ABCB5: variants seen among roughly 807,000 people sequenced by gnomAD.
The protein encoded by ABCB5 is ATP binding cassette subfamily B member 5.
Under a neutral mutation model 144.2 loss-of-function variants are expected in ABCB5, and 155 were observed. The observed-to-expected ratio is 1.08, with a 90% CI of 0.94 to 1.23. The LOEUF (loss-of-function observed/expected upper bound fraction) is 1.23, where lower values mean the gene tolerates loss of function less well. Ranked by LOEUF, ABCB5 falls within the 50% of genes most tolerant of loss-of-function variation. The probability of loss-of-function intolerance (pLI) is 0.00; values close to 1 mark genes in which losing one functional copy is unlikely to be tolerated. For synonymous variants in ABCB5, 610 were observed against 528.6 expected, an observed-to-expected ratio of 1.15 and a Z score of -2.11; for missense variants, 1,830 against 1,520.8, an observed-to-expected ratio of 1.20 and a Z score of -3.38.
intron 20 of ABCB5, among the ~76,000 whole-genome samples, chr7:20,718,587 T>C (rs57607565): frequency 0.015 from 2,218 of 152,218 alleles, 46 homozygotes; most frequent in African/African-American, 0.051. Flanking sequence ...AACCACAAAG[T>C]TTTTTAGGAA....
intron 14 of ABCB5, chr7:20,667,701 GCCCCTGCCCCTGCCCCTGCCCCTGCCC>G (rs1785247063): frequency 1.4e-5 from 2 of 143,846 alleles, no homozygotes; most frequent in Admixed American, 7.3e-5. Flanking sequence ...CCCTGCCCCT[GCCCCTGCCCCTGCCCCTGCCCCTGCCC>G]CTGCCTCTGC....
Position 20,653,113 on chromosome 7 carries a change from C to T in ABCB5, c.1536+1490C>T, listed in dbSNP as rs77114751. The stretch of plus-strand genomic sequence containing the variant: ...TTTCAATGACTTCCTTTCCTTAAAA[C>T]ATCAATGCTCTCATTTCCCACTTAG... On this transcript the variant is annotated intron_variant, in intron 13 of 27. Coordinates refer to ENST00000404938, the MANE Select transcript of ABCB5 (RefSeq NM_001163941.2). Among the ~76,000 whole-genome samples the T allele has an allele frequency of 2.6e-3, 399 of 152,292 alleles. 3 individuals carry two copies. Among genetic ancestry groups the T allele is most frequent in the African/African-American group, 9.1e-3 (378 of 41,558 alleles).
chr7:20,627,611 C>T (rs938815648), intron 3 of ABCB5, among the ~76,000 whole-genome samples: 4 of 151,970 alleles, frequency 2.6e-5, no homozygotes, highest in African/African-American at 9.7e-5. Flanking sequence ...GAATATAAAG[C>T]ATTCAATAGA....
chr7:20,690,317 T>G (rs1000131179), intron 16 of ABCB5, among the ~76,000 whole-genome samples: 1 of 152,252 alleles, frequency 6.6e-6, no homozygotes, highest in African/African-American at 2.4e-5. Context: ...TTATATCTTA[T>G]GTTCTAATAA....
At position 20,645,801 on chromosome 7, in the gene ABCB5, G is replaced by C. The variant is rs1784390491; in HGVS notation, c.724G>C (p.Ala242Pro). ...TSKELSAYSK[A>P]GAVAEEVLSS... ...TAAGGAATTAAGTGCCTATTCCAAA[G>C]CTGGGGCTGTGGCAGAAGAAGTCTT... Residue 242 changes from alanine (A) to proline (P), a missense_variant, in exon 8 of 28, where the codon GCT (alanine) becomes CCT (proline). By Grantham distance (27) the Ala-to-Pro change is conservative. Coordinates refer to ENST00000404938, the MANE Select transcript of ABCB5 (RefSeq NM_001163941.2). The C allele has an allele frequency of 6.2e-7, 1 of 1,613,844 alleles. No individual in the cohort carries two copies. Among genetic ancestry groups the C allele is most frequent in the East Asian group, 2.2e-5 (1 of 44,860 alleles).
At chr7:20,668,644 G>T (rs1785320794) in intron 14 of ABCB5, among the ~76,000 whole-genome samples, 2 of 147,634 alleles carry the variant, frequency 1.4e-5, no homozygotes, top group East Asian at 4.3e-4. Flanking sequence ...GGAGGTGAGG[G>T]ACTCCTCTGC....
At chr7:20,632,203 C>A in intron 5 of ABCB5, 90 bp downstream of exon 5, 1 of 786,070 alleles carries the variant, frequency 1.3e-6, no homozygotes, top group Non-Finnish European at 2.0e-6. Context: ...TTTTGTATGA[C>A]CATTAATATT....
chr7:20,660,270 T>A (rs1784960693), intron 14 of ABCB5: 1 of 985,180 alleles, frequency 1.0e-6, no homozygotes, highest in Non-Finnish European at 1.2e-6. Flanking sequence ...ATGAAGGCAA[T>A]ATATGAAAAT....
In ABCB5 at chr7:20,718,111, G is replaced by A. The variant is rs1317903751; in HGVS notation, c.2422-4905G>A. ...TTTTTAGTAGAGACGGGGTTTCACC[G>A]TGTTAGCCAGGATGGTCTTGATCTC... is the stretch of plus-strand genomic sequence containing the variant. On this transcript the variant is annotated intron_variant, in intron 20 of 27. Coordinates refer to ENST00000404938, the MANE Select transcript of ABCB5 (RefSeq NM_001163941.2). Among the ~76,000 whole-genome samples, 33 of 149,524 alleles carry A rather than the reference G, an allele frequency of 2.2e-4. 1 individual carries two copies. The highest frequency in any genetic ancestry group is 2.0e-3 in the Admixed American group (30 of 15,030).
intron 20 of ABCB5, among the ~76,000 whole-genome samples, chr7:20,709,154 TA>T (rs1429874537): frequency 6.6e-6 from 1 of 151,006 alleles, no homozygotes; most frequent in Admixed American, 6.6e-5. Context: ...CAGCCTTATA[TA>T]AGTTACGCAG....
chr7:20,655,759 A>C (rs1474465895), intron 13 of ABCB5, among the ~76,000 whole-genome samples: 1 of 152,244 alleles, frequency 6.6e-6, no homozygotes. Context: ...GTGCTTTATC[A>C]ATCAAAATCT....
intron 19 of ABCB5, among the ~76,000 whole-genome samples, chr7:20,703,662 G>A (rs1054424048): frequency 6.6e-6 from 1 of 152,078 alleles, no homozygotes; most frequent in African/African-American, 2.4e-5. Flanking sequence ...TTCAGAGACA[G>A]TTTCCACATG....
intron 5 of ABCB5, among the ~76,000 whole-genome samples, chr7:20,640,326 A>G (rs1314840322): frequency 1.3e-5 from 2 of 152,356 alleles, no homozygotes; most frequent in East Asian, 3.9e-4. Context: ...TCGTCAACCA[A>G]ATAATACACA....
intron 14 of ABCB5, among the ~76,000 whole-genome samples, chr7:20,667,916 G>C (rs1785262668): frequency 7.3e-6 from 1 of 136,874 alleles, no homozygotes; most frequent in Non-Finnish European, 1.6e-5. Context: ...GTGGAGACGG[G>C]GTTTTGCTCT....
intron 14 of ABCB5, among the ~76,000 whole-genome samples, chr7:20,664,542 C>T (rs1011884342): frequency 6.6e-6 from 1 of 152,116 alleles, no homozygotes; most frequent in African/African-American, 2.4e-5. Context: ...TAAGCCTTTC[C>T]TTCCTCCCAA....
chr7:20,661,778 C>T (rs1468809896), intron 14 of ABCB5, among the ~76,000 whole-genome samples: 1 of 151,998 alleles, frequency 6.6e-6, no homozygotes, highest in African/African-American at 2.4e-5. Context: ...TGTGATCTGC[C>T]TGCCCTAGCC....
chr7:20,714,859 C>T (rs6461511), intron 20 of ABCB5, among the ~76,000 whole-genome samples: 110,965 of 152,006 alleles, frequency 0.73, 41,586 homozygotes, highest in East Asian at 0.95. Context: ...CTCTTGGATA[C>T]TTTTAGAAAT....
At chr7:20,663,675 C>T (rs564036034) in intron 14 of ABCB5, among the ~76,000 whole-genome samples, 23 of 149,278 alleles carry the variant, frequency 1.5e-4, no homozygotes, top group African/African-American at 5.4e-4. Flanking sequence ...GTGACAGTCG[C>T]ACAACAGTGT....
intron 3 of ABCB5, among the ~76,000 whole-genome samples, chr7:20,627,062 AT>A (rs1783924956): frequency 6.6e-6 from 1 of 152,146 alleles, no homozygotes; most frequent in African/African-American, 2.4e-5. Flanking sequence ...TTATCTAAGA[AT>A]TTTTTAAAGC....
Sources: allele counts gnomAD v4.1 joint callset (sites outside exome capture counted in the v4.1 genomes callset), GRCh38; gene constraint gnomAD v4.1.1; transcripts MANE v1.5; gene names NCBI Gene and HGNC (gene_info 2026-07-23, HGNC 2026-07-21).